The following PLA2G4B variants were observed in gnomAD, a reference collection of about 807,000 sequenced individuals.
PLA2G4B encodes the protein phospholipase A2 group IVB, also known as cytosolic phospholipase A2 beta.
In PLA2G4B, 122 loss-of-function variants were observed where a neutral mutation model predicts 95.8. That is an observed-to-expected ratio of 1.27 (90% CI 1.10 to 1.48). The LOEUF is 1.48. Ranked by LOEUF, PLA2G4B falls within the 40% of genes most tolerant of loss-of-function variation. PLA2G4B has a pLI of 0.00. For synonymous variants in PLA2G4B, 518 were observed against 421.5 expected (o/e 1.23, Z -2.80); for missense variants, 1,158 against 996.2 (o/e 1.16, Z -2.19).
rs773370122 is a variant in PLA2G4B at position 41,845,247 on chromosome 15, T to C, written c.1284T>C (p.His428=). 1.2e-6 allele frequency: 2 copies of C among 1,614,150 alleles called. No homozygotes were observed. ...KLSDQREALS[H]GQNPLPIYCA... ...CAGATCAACGGGAGGCCCTGAGTCA[T>C]GGCCAGAACCCTCTGCCCATCTACT... Residue 428 remains histidine, a synonymous_variant, in exon 14 of 20, where the codon CAT becomes CAC. Coordinates refer to ENST00000458483, the MANE Select transcript of PLA2G4B (RefSeq NM_001114633.2).
intron 9 of PLA2G4B, 65 bp downstream of exon 9, chr15:41,842,341 AG>A (rs2140891088): frequency 1.3e-6 from 2 of 1,599,406 alleles, no homozygotes; most frequent in East Asian, 2.2e-5. Context: ...CCACAAAGGG[AG>A]GGGCCTGCTT....
At chr15:41,840,080 G>A in intron 1 of PLA2G4B, 78 bp from the exon 2 acceptor site, 1 of 1,536,436 alleles carries the variant, frequency 6.5e-7, no homozygotes, top group Admixed American at 1.8e-5. Context: ...TTGAGGCACT[G>A]CTCCAGCCTC....
Position 41,847,841 on chromosome 15 carries a change from G to C in PLA2G4B, c.2327G>C (p.Arg776Pro), listed in dbSNP as rs773261998. 1 of 1,612,778 alleles carries C rather than the reference G, an allele frequency of 6.2e-7. No homozygotes were observed. The highest frequency in any genetic ancestry group is 8.5e-7 in the Non-Finnish European group (1 of 1,179,914). The change falls in exon 20 of 20, where the codon CGG (arginine) becomes CCG (proline). Residue 776 changes from arginine to proline, a missense_variant. Transcript: ENST00000458483. ...CTGCGCCAGGCAGTGCAGCGGAGGCGGCAGCGCAGGCCCCACTGATGGCCG... is the reference window on the plus strand; with the variant it reads ...CTGCGCCAGGCAGTGCAGCGGAGGCCGCAGCGCAGGCCCCACTGATGGCCG... ...EALRQAVQRRRQRRPH is the reference protein window; with the variant it reads ...EALRQAVQRRPQRRPH
Position 41,842,441 on chromosome 15 carries a change from C to T in PLA2G4B, c.706-113C>T, listed in dbSNP as rs77884217. On this transcript the variant is annotated intron_variant, in intron 9 of 19. Transcript: ENST00000458483. ...CTGAGCATCCCTGCTTCAGGCCTGGCGCCTGTGGAGACGGTGGCGGGGCGG... is the reference window on the plus strand; with the variant it reads ...CTGAGCATCCCTGCTTCAGGCCTGGTGCCTGTGGAGACGGTGGCGGGGCGG... The T allele has an allele frequency of 2.9e-3, 4,540 of 1,568,950 alleles. 125 individuals are homozygous for T. The African/African-American group carries it at 0.054, about 19-fold the overall frequency.
At position 41,846,051 on chromosome 15, in the gene PLA2G4B, A is replaced by G. The variant is rs1402893754; in HGVS notation, c.1600+4A>G. On this transcript the variant is annotated splice_donor_region_variant and intron_variant, in intron 16 of 19. Transcript: ENST00000458483. ...GTCAGGAACCAGGCCAACCTGGGTA[A>G]GTGCTCCGGGCCCTTCATAAGGGTG... is the stretch of plus-strand genomic sequence containing the variant. 1.3e-6 allele frequency: 2 copies of G among 1,564,038 alleles called. No homozygotes were observed. Among genetic ancestry groups the G allele is most frequent in the African/African-American group, 2.7e-5 (2 of 73,236 alleles).
chr15:41,840,219 C>G lies in PLA2G4B; in HGVS notation c.71C>G (p.Ser24Cys), dbSNP rs375174855. Residue 24 changes from serine (S) to cysteine (C), a missense_variant, in exon 2 of 20, where the codon TCT becomes TGT. By Grantham distance (112) the Ser-to-Cys change is moderately radical. Coordinates refer to ENST00000458483, the MANE Select transcript of PLA2G4B (RefSeq NM_001114633.2). Reference sequence around the variant, plus strand: ...GTCCTGCAGGCCCATCGCCTACCCTCTAAGGACCTAGGTGAGTGCGCACCG... The same window carrying G: ...GTCCTGCAGGCCCATCGCCTACCCTGTAAGGACCTAGGTGAGTGCGCACCG... Reference protein sequence around the residue: ...VRVLQAHRLPSKDLVTPSDCY... With the variant: ...VRVLQAHRLPCKDLVTPSDCY... 1.2e-6 allele frequency: 2 copies of G among 1,613,178 alleles called. No homozygotes were observed. The highest frequency in any genetic ancestry group is 1.3e-5 in the African/African-American group (1 of 75,066).
intron 4 of PLA2G4B, 67 bp from the exon 5 acceptor site, chr15:41,840,988 C>G (rs1437601557): frequency 6.3e-7 from 1 of 1,575,748 alleles, no homozygotes; most frequent in East Asian, 2.3e-5. Context: ...ACGCATGTCT[C>G]TCATACTCAC....
chr15:41,840,454 T>C (rs1280436270), intron 2 of PLA2G4B, 70 bp from the exon 3 acceptor site: 23 of 1,609,218 alleles, frequency 1.4e-5, no homozygotes, highest in Non-Finnish European at 1.9e-5. Flanking sequence ...CTCTAGGTGA[T>C]GGAAGGAAGT....
intron 11 of PLA2G4B, 112 bp downstream of exon 11, chr15:41,843,923 TC>T: frequency 6.8e-7 from 1 of 1,466,080 alleles, no homozygotes; most frequent in Non-Finnish European, 9.0e-7. Flanking sequence ...TAGCTGCCTG[TC>T]CCCACCCTGC....
In PLA2G4B at chr15:41,847,518, C is replaced by G. The variant is rs772010955; in HGVS notation, c.2129C>G (p.Ala710Gly). The change falls in exon 19 of 20, where the codon GCC (alanine) becomes GGC (glycine). Residue 710 changes from alanine to glycine, a missense_variant. By Grantham distance (60) the Ala-to-Gly change is moderately conservative (BLOSUM62 0). Transcript: ENST00000458483. ...AGCGACTCCTTCCGGGAGTACTCGG[C>G]CCCTGGTGAGCTGCTGTTCACCTCC... The part of the protein sequence containing the change: ...LVSDSFREYS[A>G]PGVRRTPEEA... 6.2e-7 allele frequency: 1 copy of G among 1,603,768 alleles called. No individual in the cohort carries two copies. Among genetic ancestry groups the G allele is most frequent in the South Asian group, 1.1e-5 (1 of 90,544 alleles).
At chr15:41,843,450 G>A (rs553747554) in intron 10 of PLA2G4B, among the ~76,000 whole-genome samples, 3 of 152,302 alleles carry the variant, frequency 2.0e-5, no homozygotes, top group East Asian at 1.9e-4. Context: ...AGCCTCTTTC[G>A]GCCACGGCAT....
At position 41,840,607 on chromosome 15, in the gene PLA2G4B, A is replaced by G; in HGVS notation, c.166A>G (p.Ser56Gly). The change falls in exon 3 of 20, where the codon AGT (serine) becomes GGT (glycine). Residue 56 changes from serine to glycine, a missense_variant. Ser to Gly is a moderately conservative substitution (Grantham distance 56, BLOSUM62 0). Transcript: ENST00000458483. ...RLQTRTVKNSSSPVWNQSFHF... is the reference protein window; with the variant it reads ...RLQTRTVKNSGSPVWNQSFHF... Reference sequence around the variant, plus strand: ...CCAGACACGCACGGTCAAGAACAGCAGTAGCCCTGTCTGGAACCAGAGCTT... The same window carrying G: ...CCAGACACGCACGGTCAAGAACAGCGGTAGCCCTGTCTGGAACCAGAGCTT... The G allele has an allele frequency of 6.2e-7, 1 of 1,614,004 alleles. No individual in the cohort carries two copies. Among genetic ancestry groups the G allele is most frequent in the Non-Finnish European group, 8.5e-7 (1 of 1,180,008 alleles).
At chr15:41,846,142 TCAC>T (rs1355352615) in intron 16 of PLA2G4B, 58 bp from the exon 17 acceptor site, 1 of 1,590,904 alleles carries the variant, frequency 6.3e-7, no homozygotes, top group East Asian at 2.3e-5. Context: ...CCCTCCAGGG[TCAC>T]CACCAAGGTG....
Position 41,847,714 on chromosome 15 carries a change from T to TACCA in PLA2G4B, c.2201_2204dup (p.His735GlnfsTer66). On this transcript the variant is annotated frameshift_variant, in exon 20 of 20. Transcript: ENST00000458483. LOFTEE classifies it low-confidence loss of function (END_TRUNC). ...GAACCTGTCTTCATCGGACTCTCCC[T>TACCA]ACCACTACACGAAGGTGACCTACAG... is the stretch of plus-strand genomic sequence containing the variant. 3.7e-6 allele frequency: 6 copies of TACCA among 1,613,334 alleles called. No homozygotes were observed. Among genetic ancestry groups the TACCA allele is most frequent in the Non-Finnish European group, 5.1e-6 (6 of 1,180,024 alleles).
chr15:41,847,447 C>T lies in PLA2G4B; in HGVS notation c.2058C>T (p.Asp686=). The T allele has an allele frequency of 6.2e-7, 1 of 1,613,352 alleles. No individual in the cohort carries two copies. The highest frequency in any genetic ancestry group is 1.1e-5 in the South Asian group (1 of 91,064). Residue 686 remains aspartate, a synonymous_variant, in exon 19 of 20, where the codon GAC becomes GAT. Transcript: ENST00000458483. Reference sequence around the variant, plus strand: ...CTCGGGAGTGCCACACCTTCTCCGACCCCACCTGCCCCGGAGCCCCTGCGG... The same window carrying T: ...CTCGGGAGTGCCACACCTTCTCCGATCCCACCTGCCCCGGAGCCCCTGCGG... ...LQPRECHTFS[D]PTCPGAPAVL...
intron 18 of PLA2G4B, 72 bp downstream of exon 18, chr15:41,846,907 G>T: frequency 1.3e-6 from 2 of 1,494,128 alleles, no homozygotes; most frequent in African/African-American, 1.4e-5. Context: ...GGGCTTTGGA[G>T]TCCAGTGTCT....
chr15:41,838,934 C>A lies in PLA2G4B; in HGVS notation c.9+12C>A. ...GTCTCATGGCTGTGGTAAGGCCTGGCAGGGCCCTGGGTCCCTACTGGGACC... is the reference window on the plus strand; with the variant it reads ...GTCTCATGGCTGTGGTAAGGCCTGGAAGGGCCCTGGGTCCCTACTGGGACC... On this transcript the variant is annotated intron_variant, in intron 1 of 19. Coordinates refer to ENST00000458483, the MANE Select transcript of PLA2G4B (RefSeq NM_001114633.2). 6.3e-7 allele frequency: 1 copy of A among 1,588,706 alleles called. No homozygotes were observed. Among genetic ancestry groups the A allele is most frequent in the Non-Finnish European group, 8.6e-7 (1 of 1,166,210 alleles).
At chr15:41,841,444 C>T in intron 6 of PLA2G4B, 73 bp from the exon 7 acceptor site, 1 of 1,611,354 alleles carries the variant, frequency 6.2e-7, no homozygotes, top group Non-Finnish European at 8.5e-7. Context: ...CAGCAGCAGC[C>T]AGGGTGCTGC....
At chr15:41,843,972 C>T (rs2065485133) in intron 11 of PLA2G4B, among the ~76,000 whole-genome samples, 161 bp downstream of exon 11, 1 of 152,220 alleles carries the variant, frequency 6.6e-6, no homozygotes, top group African/African-American at 2.4e-5. Context: ...TTGGTACAGG[C>T]AGAGTGTTGC....
Sources: gnomAD v4.1 joint callset for allele counts (sites outside exome capture counted in the v4.1 genomes callset) on GRCh38, gnomAD v4.1.1 for gene constraint, MANE v1.5 for transcripts, NCBI Gene and HGNC (gene_info 2026-07-23, HGNC 2026-07-21) for gene names.